Variants in EYS observed in about 807,000 individuals in gnomAD.
EYS encodes the protein protein eyes shut homolog.
Under a neutral mutation model 282.1 loss-of-function variants are expected in EYS, and 250 were observed. The ratio of observed to expected loss-of-function variants is 0.89; its 90% CI spans 0.80 to 0.98. EYS has a LOEUF of 0.98. EYS is among the 50% of genes least tolerant of loss of function. EYS has a pLI of 0.00. For missense variants in EYS, 4,016 were observed against 3,709.0 expected, an observed-to-expected ratio of 1.08 and a Z score of -2.15; for synonymous variants, 1,355 against 1,282.9, an observed-to-expected ratio of 1.06 and a Z score of -1.20.
chr6:64,330,032 A>G (rs1054488824), intron 29 of EYS, among the ~76,000 whole-genome samples: 1 of 152,164 alleles, frequency 6.6e-6, no homozygotes, highest in African/African-American at 2.4e-5. Context: ...TCAAGGAAGC[A>G]CTAGCCCAGA....
intron 26 of EYS, among the ~76,000 whole-genome samples, chr6:64,540,351 TG>T (rs1198372259): frequency 1.3e-5 from 2 of 152,116 alleles, no homozygotes; most frequent in Non-Finnish European, 2.9e-5. Context: ...GAGGAAACCA[TG>T]GTAACAGACG....
intron 24 of EYS, among the ~76,000 whole-genome samples, chr6:64,614,659 A>G (rs530217844): frequency 1.3e-5 from 2 of 152,110 alleles, no homozygotes; most frequent in Admixed American, 6.6e-5. Flanking sequence ...AATCTACTGA[A>G]CATCATAGTT....
At chr6:64,301,825 A>G (rs372178121) in intron 30 of EYS, among the ~76,000 whole-genome samples, 2 of 152,312 alleles carry the variant, frequency 1.3e-5, no homozygotes, top group East Asian at 3.9e-4. Flanking sequence ...TCTGGTAAAC[A>G]TGGGAAAGTG....
intron 22 of EYS, among the ~76,000 whole-genome samples, chr6:64,788,949 G>A (rs145810589): frequency 3.3e-5 from 5 of 152,086 alleles, no homozygotes; most frequent in African/African-American, 9.7e-5. Context: ...CCCAAAACCC[G>A]TAAGTCACCT....
intron 2 of EYS, among the ~76,000 whole-genome samples, chr6:65,566,891 C>A (rs1769300096): frequency 6.6e-6 from 1 of 151,986 alleles, no homozygotes; most frequent in Non-Finnish European, 1.5e-5. Flanking sequence ...TTTTAAAAAT[C>A]AAAGAAAATT....
At chr6:64,948,937 G>A (rs1032240196) in intron 14 of EYS, among the ~76,000 whole-genome samples, 1 of 151,758 alleles carries the variant, frequency 6.6e-6, no homozygotes, top group Non-Finnish European at 1.5e-5. Context: ...TAAAGACAAA[G>A]CTGTCAAGTT....
At chr6:65,628,765 A>G (rs1262073490) in intron 2 of EYS, among the ~76,000 whole-genome samples, 1 of 152,012 alleles carries the variant, frequency 6.6e-6, no homozygotes, top group Non-Finnish European at 1.5e-5. Context: ...CAGAAGGGAC[A>G]GACTCCAGAC....
chr6:63,994,382 G>T (rs946053533), intron 34 of EYS, among the ~76,000 whole-genome samples: 3 of 151,826 alleles, frequency 2.0e-5, no homozygotes, highest in African/African-American at 7.3e-5. Context: ...TGTTCCCAAG[G>T]ATTCTCATTA....
rs1309347970 is a variant in EYS, at chr6:63,720,176, T to C, written c.*420A>G. 4.7e-6 allele frequency: 1 copy of C among 211,642 alleles called. No homozygotes were observed. The highest frequency in any genetic ancestry group is 2.3e-5 in the African/African-American group (1 of 44,234). The allele number at this position is 211,642 out of a possible 1,614,324, so 13.1% of individuals were successfully genotyped here. A position where few individuals can be genotyped will look rare whatever the true frequency, so the allele number is the denominator to read the frequency against. On this transcript the variant is annotated 3_prime_UTR_variant, in exon 43 of 43. Coordinates refer to ENST00000503581, the MANE Select transcript of EYS (RefSeq NM_001142800.2). ...TAATTTTTATTTTTCCTTTGATTAA[T>C]AACTTGATTTTTTTCTTATTTGTAC... is the stretch of plus-strand genomic sequence containing the variant.
chr6:65,379,474 A>T lies in EYS; in HGVS notation c.1299+4912T>A, dbSNP rs969425370. 7.2e-5 allele frequency among the ~76,000 whole-genome samples: 11 copies of T among 152,220 alleles called. No individual in the cohort carries two copies. The East Asian group carries it at 1.9e-3, about 27-fold the overall frequency. On this transcript the variant is annotated intron_variant, in intron 8 of 42. Coordinates refer to ENST00000503581, the MANE Select transcript of EYS (RefSeq NM_001142800.2). The stretch of plus-strand genomic sequence containing the variant: ...TGTTGGTGGAACATATATCAAAATA[A>T]TAAGGGCTATTTATGACAAACCCAT...
intron 26 of EYS, among the ~76,000 whole-genome samples, chr6:64,519,455 T>A (rs1183297353): frequency 2.0e-5 from 3 of 151,840 alleles, no homozygotes; most frequent in Non-Finnish European, 2.9e-5. Context: ...AAAACACATT[T>A]TCCTCGGTAA....
chr6:64,300,737 C>T (rs755736309), intron 30 of EYS, among the ~76,000 whole-genome samples: 2 of 152,194 alleles, frequency 1.3e-5, no homozygotes, highest in Non-Finnish European at 2.9e-5. Context: ...GGCCTTCCCT[C>T]CACCGCAGTG....
At chr6:63,817,641 G>A (rs2149684291) in intron 36 of EYS, among the ~76,000 whole-genome samples, 1 of 152,300 alleles carries the variant, frequency 6.6e-6, no homozygotes, top group South Asian at 2.1e-4. Context: ...CAAATGACTG[G>A]CATTCACCAG....
chr6:64,689,475 A>T (rs1770289823), intron 22 of EYS, among the ~76,000 whole-genome samples: 1 of 151,526 alleles, frequency 6.6e-6, no homozygotes, highest in African/African-American at 2.4e-5. Flanking sequence ...AAAAAAAACT[A>T]CTTTAAAGTT....
chr6:65,558,416 G>A (rs1768903218), intron 2 of EYS, among the ~76,000 whole-genome samples: 2 of 152,244 alleles, frequency 1.3e-5, no homozygotes, highest in Non-Finnish European at 2.9e-5. Flanking sequence ...AGAGGCCAGA[G>A]ACCAGGAGCA....
chr6:64,091,657 C>T (rs113320884), intron 31 of EYS, among the ~76,000 whole-genome samples: 5,057 of 152,162 alleles, frequency 0.033, 293 homozygotes, highest in African/African-American at 0.11. Flanking sequence ...GAACATGACT[C>T]GTGCTGTTTA....
At chr6:65,032,352 C>A (rs935408514) in intron 13 of EYS, among the ~76,000 whole-genome samples, 42 of 152,100 alleles carry the variant, frequency 2.8e-4, no homozygotes, top group African/African-American at 9.7e-4. Context: ...TGTTCTGTCC[C>A]AAATCTCATA....
At chr6:65,694,391 A>ATTT (rs139263235) in intron 1 of EYS, among the ~76,000 whole-genome samples, 2,436 of 145,388 alleles carry the variant, frequency 0.017, 128 homozygotes, top group Non-Finnish European at 0.022. Context: ...GATTCTTCAT[A>ATTT]TTTTTTTTTT....
At chr6:65,190,929 G>T (rs989554652) in intron 12 of EYS, among the ~76,000 whole-genome samples, 6 of 151,742 alleles carry the variant, frequency 4.0e-5, no homozygotes, top group African/African-American at 1.2e-4. Flanking sequence ...TGTAGGATGC[G>T]AATGAGGGAC....
Sources: gnomAD v4.1 joint callset for allele counts (sites outside exome capture counted in the v4.1 genomes callset) on GRCh38, gnomAD v4.1.1 for gene constraint, MANE v1.5 for transcripts, NCBI Gene and HGNC (gene_info 2026-07-23, HGNC 2026-07-21) for gene names.